The following ZNF662 variants were observed in gnomAD, a reference collection of about 807,000 sequenced individuals.
ZNF662 encodes the protein zinc finger protein 662.
Under a neutral mutation model 12.4 loss-of-function variants are expected in ZNF662, and 14 were observed. The observed-to-expected ratio is 1.13, with a 90% CI of 0.75 to 1.77. The LOEUF is 1.77. ZNF662 is among the 40% of genes most tolerant of loss of function. The probability of loss-of-function intolerance (pLI) is 0.00; values close to 1 mark genes in which losing one functional copy is unlikely to be tolerated. For missense variants in ZNF662, 550 were observed against 515.6 expected (o/e 1.07, Z -0.65); for synonymous variants, 184 against 176.4 (o/e 1.04, Z -0.34).
chr3:42,914,465 A>G lies in ZNF662; in HGVS notation c.392A>G (p.Glu131Gly). 1.9e-6 allele frequency: 3 copies of G among 1,614,086 alleles called. No individual in the cohort carries two copies. The highest frequency in any genetic ancestry group is 2.5e-6 in the Non-Finnish European group (3 of 1,180,024). The change falls in exon 5 of 5, where the codon GAG (glutamate) becomes GGG (glycine). Residue 131 changes from glutamate to glycine, a missense_variant. By Grantham distance (98) the Glu-to-Gly change is moderately conservative. Transcript: ENST00000440367. Reference protein sequence around the residue: ...QELWFGKTCEEKSRLGRWPGY... With the variant: ...QELWFGKTCEGKSRLGRWPGY... Reference sequence around the variant, plus strand: ...TTATGGTTTGGGAAAACCTGTGAAGAGAAAAGCAGGTTAGGGAGATGGCCT... The same window carrying G: ...TTATGGTTTGGGAAAACCTGTGAAGGGAAAAGCAGGTTAGGGAGATGGCCT...
In ZNF662 at chr3:42,917,354, C is replaced by T. The variant is rs145228476; in HGVS notation, c.*2000C>T. The T allele has an allele frequency of 1.3e-4, 79 of 600,974 alleles. No homozygotes were observed. Among genetic ancestry groups the T allele is most frequent in the African/African-American group, 8.6e-4 (46 of 53,656 alleles). 37.2% of individuals were successfully genotyped at this position (600,974 alleles called of 1,614,324 possible). On this transcript the variant is annotated 3_prime_UTR_variant, in exon 5 of 5. Coordinates refer to ENST00000440367, the MANE Select transcript of ZNF662 (RefSeq NM_207404.4). ...CTGGAAAAGAGAGGCTTTTCTTCAT[C>T]GAGAGCTACCAGAGGAGATATTATC...
Position 42,917,250 on chromosome 3 carries a change from CCT to C in ZNF662, c.*1897_*1898del, listed in dbSNP as rs2088904306. The C allele has an allele frequency of 6.8e-6, 3 of 440,728 alleles. No homozygotes were observed. The South Asian group carries it at 1.8e-4, about 26-fold the overall frequency. The allele number at this position is 440,728 out of a possible 1,614,324, so 27.3% of individuals were successfully genotyped here. On this transcript the variant is annotated 3_prime_UTR_variant, in exon 5 of 5. Coordinates refer to ENST00000440367, the MANE Select transcript of ZNF662 (RefSeq NM_207404.4). ...ACCACCACCATCTTCATGAGTGGAC[CCT>C]GTTTGGCTTGTGTCAATCAGTTTAT... is the stretch of plus-strand genomic sequence containing the variant.
At chr3:42,912,708 AT>A (rs1485435947) in intron 3 of ZNF662, among the ~76,000 whole-genome samples, 2 of 72,594 alleles carry the variant, frequency 2.8e-5, no homozygotes, top group African/African-American at 1.1e-4. Flanking sequence ...ATATATATAA[AT>A]ATATATATAT....
rs1480121080 is a variant in ZNF662, at chr3:42,916,900, T to A, written c.*1546T>A. On this transcript the variant is annotated 3_prime_UTR_variant, in exon 5 of 5. Transcript: ENST00000440367. ...GGAGGGAGAAATGGTCACTTTCTGG[T>A]GGTGGTTAATGCTTTGTTAGATAGC... 1.3e-5 allele frequency: 2 copies of A among 152,230 alleles called. No individual in the cohort carries two copies. Among genetic ancestry groups the A allele is most frequent in the African/African-American group, 4.8e-5 (2 of 41,386 alleles). The allele number at this position is 152,230 out of a possible 1,614,324, so 9.4% of individuals were successfully genotyped here. A position where few individuals can be genotyped will look rare whatever the true frequency, so the allele number is the denominator to read the frequency against.
chr3:42,908,930 C>T (rs768118610), intron 3 of ZNF662, 21 bp downstream of exon 3: 12 of 1,552,664 alleles, frequency 7.7e-6, no homozygotes, highest in Middle Eastern at 1.7e-4. Flanking sequence ...GCACACGTGC[C>T]GGTCATCTGA....
At chr3:42,907,135 G>C (rs1310730944) in intron 1 of ZNF662, among the ~76,000 whole-genome samples, 1 of 152,162 alleles carries the variant, frequency 6.6e-6, no homozygotes, top group Non-Finnish European at 1.5e-5. Flanking sequence ...TGAGAATTAC[G>C]GGAAGTCCCA....
chr3:42,912,857 A>G (rs532108880), intron 3 of ZNF662, among the ~76,000 whole-genome samples: 367 of 148,882 alleles, frequency 2.5e-3, no homozygotes, highest in Non-Finnish European at 4.6e-3. Flanking sequence ...CTCCTGCCTC[A>G]GCCTCCTGAG....
chr3:42,906,470 G>A lies in ZNF662; in HGVS notation c.-94+302G>A, dbSNP rs1310472161. On this transcript the variant is annotated intron_variant, in intron 1 of 4. Transcript: ENST00000440367. The surrounding 1 kb of genome is among the most constrained non-coding windows in gnomAD (Gnocchi z 4.4). ...AGTGCGGGGCCGGAGCCTGGAAGCA[G>A]TCTTGGCCCTGCCCTGGGTTCTAGG... 7.1e-7 allele frequency: 1 copy of A among 1,412,490 alleles called. No individual in the cohort carries two copies. Among genetic ancestry groups the A allele is most frequent in the African/African-American group, 1.5e-5 (1 of 66,248 alleles). 87.5% of individuals were successfully genotyped at this position (1,412,490 alleles called of 1,614,324 possible).
At position 42,906,403 on chromosome 3, in the gene ZNF662, C is replaced by G; in HGVS notation, c.-94+235C>G. The G allele has an allele frequency of 6.6e-7, 1 of 1,515,930 alleles. No homozygotes were observed. 93.9% of individuals were successfully genotyped at this position (1,515,930 alleles called of 1,614,324 possible). ...GACACGCCTCGGCCTTGTCCTCGAG[C>G]TGCTCCCGGGACAGCCCGCGCTGCC... is the stretch of plus-strand genomic sequence containing the variant. On this transcript the variant is annotated intron_variant, in intron 1 of 4. Coordinates refer to ENST00000440367, the MANE Select transcript of ZNF662 (RefSeq NM_207404.4). The surrounding 1 kb of genome is among the most constrained non-coding windows in gnomAD (Gnocchi z 4.4).
Position 42,914,733 on chromosome 3 carries a change from T to C in ZNF662, c.660T>C (p.Tyr220=), listed in dbSNP as rs1475200576. 6.2e-7 allele frequency: 1 copy of C among 1,614,234 alleles called. No homozygotes were observed. The highest frequency in any genetic ancestry group is 8.5e-7 in the Non-Finnish European group (1 of 1,180,046). The change falls in exon 5 of 5, where the codon TAT becomes TAC. Residue 220 remains tyrosine (Y), a synonymous_variant. Coordinates refer to ENST00000440367, the MANE Select transcript of ZNF662 (RefSeq NM_207404.4). Reference sequence around the variant, plus strand: ...AAACTCATAATGGAGAGAAGGTCTATGGATGTAAGGAATGTGGGAAGGCTT... The same window carrying C: ...AAACTCATAATGGAGAGAAGGTCTACGGATGTAAGGAATGTGGGAAGGCTT... ...HQKTHNGEKV[Y]GCKECGKAFS...
rs1196204875 is a variant in ZNF662 at position 42,917,156 on chromosome 3, C to A, written c.*1802C>A. On this transcript the variant is annotated 3_prime_UTR_variant, in exon 5 of 5. Transcript: ENST00000440367. Reference sequence around the variant, plus strand: ...TTTATTGGTTTCCATCATCTCTTCCCCTTCTCTCTGGGAACAGTTACCCGG... The same window carrying A: ...TTTATTGGTTTCCATCATCTCTTCCACTTCTCTCTGGGAACAGTTACCCGG... 1 of 282,818 alleles carries A rather than the reference C, an allele frequency of 3.5e-6. No individual in the cohort carries two copies. Among genetic ancestry groups the A allele is most frequent in the African/African-American group, 2.2e-5 (1 of 46,032 alleles). 17.5% of individuals were successfully genotyped at this position (282,818 alleles called of 1,614,324 possible). A position where few individuals can be genotyped will look rare whatever the true frequency, so the allele number is the denominator to read the frequency against.
At chr3:42,912,304 A>G (rs2088806631) in intron 3 of ZNF662, among the ~76,000 whole-genome samples, 1 of 118,652 alleles carries the variant, frequency 8.4e-6, no homozygotes, top group Admixed American at 1.1e-4. Context: ...TATAAAATAT[A>G]TGATATATAT....
At position 42,913,199 on chromosome 3, in the gene ZNF662, A is replaced by G; in HGVS notation, c.152-2A>G. On this transcript the variant is annotated splice_acceptor_variant, in intron 3 of 4. Transcript: ENST00000440367. LOFTEE classifies it high-confidence loss of function. ...GCCTTATTTGTATCTTGACCCTGGC[A>G]GGATATCCATTTCTAAAGCCTGCTG... The G allele has an allele frequency of 6.2e-7, 1 of 1,607,438 alleles. No individual in the cohort carries two copies. The highest frequency in any genetic ancestry group is 8.5e-7 in the Non-Finnish European group (1 of 1,174,242).
intron 3 of ZNF662, among the ~76,000 whole-genome samples, chr3:42,912,667 T>TATATATAAATATATATATA (rs1491154427): frequency 1.4e-4 from 4 of 28,596 alleles, no homozygotes; most frequent in African/African-American, 3.2e-4. Flanking sequence ...TATATATATA[T>TATATATAAATATATATATA]TTTTTATATA....
chr3:42,907,955 C>T (rs900830090), intron 1 of ZNF662, 67 bp from the exon 2 acceptor site: 1 of 1,583,188 alleles, frequency 6.3e-7, no homozygotes. Context: ...TTTTGATGCC[C>T]TGTCTCCCCT....
intron 4 of ZNF662, among the ~76,000 whole-genome samples, chr3:42,913,680 T>C (rs769054701): frequency 2.2e-4 from 34 of 152,140 alleles, no homozygotes; most frequent in Admixed American, 5.9e-4. Context: ...CACAGTCTCA[T>C]GGGACATGAT....
Position 42,914,350 on chromosome 3 carries a change from G to A in ZNF662, c.277G>A (p.Glu93Lys), listed in dbSNP as rs1423334456. 6.3e-7 allele frequency: 1 copy of A among 1,584,052 alleles called. No homozygotes were observed. The highest frequency in any genetic ancestry group is 1.4e-5 in the African/African-American group (1 of 73,780). The change falls in exon 5 of 5, where the codon GAA (glutamate) becomes AAA (lysine). Residue 93 changes from glutamate to lysine, a missense_variant. Transcript: ENST00000440367. The part of the protein sequence containing the change: ...CPEGVLKRKK[E>K]DFILKEEIIE... ...AGAGGGTGTGTTGAAGAGGAAGAAA[G>A]AAGATTTTATTCTGAAGGAGGAAAT...
chr3:42,915,297 G>A lies in ZNF662; in HGVS notation c.1224G>A (p.Arg408=). ...ATTCTGTCTTAATTAAGCACCAGAGGCGCCATGCTAGAGACAAACCCTATA... is the reference window on the plus strand; with the variant it reads ...ATTCTGTCTTAATTAAGCACCAGAGACGCCATGCTAGAGACAAACCCTATA... ...SQNSVLIKHQ[R]RHARDKPYNC... Residue 408 remains arginine, a synonymous_variant, in exon 5 of 5, where the codon AGG becomes AGA. Transcript: ENST00000440367. 1 of 1,610,524 alleles carries A rather than the reference G, an allele frequency of 6.2e-7. No individual in the cohort carries two copies. The highest frequency in any genetic ancestry group is 8.5e-7 in the Non-Finnish European group (1 of 1,178,346).
At chr3:42,909,540 G>A (rs2088742328) in intron 3 of ZNF662, among the ~76,000 whole-genome samples, 2 of 152,160 alleles carry the variant, frequency 1.3e-5, no homozygotes, top group African/African-American at 2.4e-5. Context: ...CGACAAAACC[G>A]CCATCGTCAT....
Sources: allele counts gnomAD v4.1 joint callset (sites outside exome capture counted in the v4.1 genomes callset), GRCh38; gene constraint gnomAD v4.1.1; non-coding constraint Gnocchi (gnomAD v3.1); transcripts MANE v1.5; gene names NCBI Gene and HGNC (gene_info 2026-07-23, HGNC 2026-07-21).